Variants in NOLC1 observed in about 807,000 individuals in gnomAD.
NOLC1 encodes nucleolar and coiled-body phosphoprotein 1.
NOLC1 carries 37 observed loss-of-function variants against 73.4 expected under a neutral mutation model. That is an observed-to-expected ratio of 0.50 (90% confidence interval 0.39 to 0.66). The LOEUF is 0.66. NOLC1 is among the 30% of genes least tolerant of loss of function. The probability of loss-of-function intolerance (pLI) is 0.00; values close to 1 mark genes in which losing one functional copy is unlikely to be tolerated. For missense variants in NOLC1, 921 were observed against 838.9 expected (o/e 1.10, Z -1.21); for synonymous variants, 327 against 302.6 (o/e 1.08, Z -0.84).
intron 1 of NOLC1, among the ~76,000 whole-genome samples, chr10:102,156,103 G>A (rs2069590203): frequency 6.6e-6 from 1 of 152,258 alleles, no homozygotes. Flanking sequence ...GCCTCCCAGA[G>A]TGTTGGGATT....
intron 3 of NOLC1, 50 bp downstream of exon 3, chr10:102,157,378 A>T: frequency 6.2e-7 from 1 of 1,613,448 alleles, no homozygotes. Flanking sequence ...AAGAATTTAC[A>T]GCCTGCTTGT....
rs1160024769 is a variant in NOLC1 at position 102,152,467 on chromosome 10, C to T, written c.57C>T (p.Leu19=). The T allele has an allele frequency of 1.2e-6, 2 of 1,613,620 alleles. No homozygotes were observed. The highest frequency in any genetic ancestry group is 1.1e-5 in the South Asian group (1 of 91,082). Residue 19 remains leucine, a synonymous_variant, in exon 1 of 13, where the codon CTC becomes CTT. Coordinates refer to ENST00000605788, the MANE Select transcript of NOLC1 (RefSeq NM_004741.5). ...VVPSDLYPLV[L]GFLRDNQLSE... is the part of the protein sequence containing the mutation. ...CCAGCGACCTGTATCCCCTCGTGCT[C>T]GGCTTCCTGCGCGATAACCAACTCT...
In NOLC1 at chr10:102,160,322, G is replaced by C. The variant is rs747818823; in HGVS notation, c.1078G>C (p.Glu360Gln). 1.9e-6 allele frequency: 3 copies of C among 1,614,240 alleles called. No individual in the cohort carries two copies. Among genetic ancestry groups the C allele is most frequent in the East Asian group, 4.5e-5 (2 of 44,888 alleles). Residue 360 changes from glutamate (E) to glutamine (Q), a missense_variant, in exon 9 of 13, where the codon GAG (glutamate) becomes CAG (glutamine). Transcript: ENST00000605788. ...TKPPPAKKAA[E>Q]SSSDSSDSDS... ...ACCACCTCCAGCAAAGAAAGCAGCA[G>C]AGAGCTCTTCAGACAGCTCAGGTAA...
intron 12 of NOLC1, 88 bp from the exon 13 acceptor site, chr10:102,162,023 G>T (rs1243540866): frequency 1.3e-5 from 21 of 1,603,494 alleles, no homozygotes; most frequent in Non-Finnish European, 1.7e-5. Flanking sequence ...TCTGGGTTCA[G>T]GTTTCCTTGA....
chr10:102,163,150 A>G lies in NOLC1; in HGVS notation c.*881A>G, dbSNP rs1324059489. The stretch of plus-strand genomic sequence containing the variant: ...GAACAAAATGACATGAGTTTGAAAA[A>G]TACATATCACTTGGTATTGCTGTCT... On this transcript the variant is annotated 3_prime_UTR_variant, in exon 13 of 13. Transcript: ENST00000605788. The G allele has an allele frequency of 1.3e-5, 2 of 152,216 alleles. No individual in the cohort carries two copies. Among genetic ancestry groups the G allele is most frequent in the Non-Finnish European group, 1.5e-5 (1 of 68,042 alleles). 9.4% of individuals were successfully genotyped at this position (152,216 alleles called of 1,614,324 possible).
rs770624197 is a variant in NOLC1, at chr10:102,157,257, C to G, written c.245C>G (p.Ala82Gly). ...GTGGCTAAGAAAGCTAAGAAGAAGG[C>G]CTCATCCAGTGACAGTGAGGACAGC... ...GPVAKKAKKK[A>G]SSSDSEDSSE... The change falls in exon 3 of 13, where the codon GCC becomes GGC. Residue 82 changes from alanine (A) to glycine (G), a missense_variant. Physicochemically the swap from Ala to Gly is moderately conservative, Grantham distance 60. Coordinates refer to ENST00000605788, the MANE Select transcript of NOLC1 (RefSeq NM_004741.5). The G allele has an allele frequency of 3.8e-5, 62 of 1,614,056 alleles. No individual in the cohort carries two copies. Among genetic ancestry groups the G allele is most frequent in the Non-Finnish European group, 5.2e-5 (61 of 1,180,036 alleles).
chr10:102,152,404 C>CTGGAGGA lies in NOLC1; in HGVS notation c.-3_4dup, dbSNP rs1169172001. 3 of 1,608,868 alleles carry CTGGAGGA rather than the reference C, an allele frequency of 1.9e-6. No individual in the cohort carries two copies. The highest frequency in any genetic ancestry group is 1.3e-5 in the African/African-American group (1 of 74,958). On this transcript the variant is annotated 5_prime_UTR_variant, in exon 1 of 13. The change creates a new upstream start codon in the 5' untranslated region. Coordinates refer to ENST00000605788, the MANE Select transcript of NOLC1 (RefSeq NM_004741.5). The stretch of plus-strand genomic sequence containing the variant: ...CGACAACGGTAGTGACGCGTATTGC[C>CTGGAGGA]TGGAGGATGGCGGACGCCGGCATTC...
In NOLC1 at chr10:102,155,298, T is replaced by A. The variant is rs2133752853; in HGVS notation, c.121-1721T>A. Among the ~76,000 whole-genome samples the A allele has an allele frequency of 2.0e-5, 3 of 151,788 alleles. No individual in the cohort carries two copies. In the Middle Eastern group the frequency reaches 0.01, roughly 516 times the overall value. The stretch of plus-strand genomic sequence containing the variant: ...CCTCAGCCTCACAAAGTGTTGGGAT[T>A]ACAGGCGTTTAGCCACCACAGGCCA... On this transcript the variant is annotated intron_variant, in intron 1 of 12. Transcript: ENST00000605788.
chr10:102,160,930 T>A lies in NOLC1; in HGVS notation c.1578T>A (p.Ser526Arg), dbSNP rs1301622267. Residue 526 changes from serine (S) to arginine (R), a missense_variant, in exon 10 of 13, where the codon AGT becomes AGA. Coordinates refer to ENST00000605788, the MANE Select transcript of NOLC1 (RefSeq NM_004741.5). ...ACAGTTCTTCTTCTGATGACTCCAG[T>A]GAGGAAGAGGAAGAGAAGCTCAAGG... ...SSNSSSSDDS[S>R]EEEEEKLKGK... The A allele has an allele frequency of 6.2e-7, 1 of 1,613,752 alleles. No individual in the cohort carries two copies. Among genetic ancestry groups the A allele is most frequent in the African/African-American group, 1.3e-5 (1 of 74,754 alleles).
Position 102,153,977 on chromosome 10 carries a change from G to T in NOLC1, c.120+1447G>T, listed in dbSNP as rs556875661. Among the ~76,000 whole-genome samples, 10 of 151,478 alleles carry T rather than the reference G, an allele frequency of 6.6e-5. No homozygotes were observed. In the South Asian group the frequency reaches 2.1e-3, roughly 32 times the overall value. The stretch of plus-strand genomic sequence containing the variant: ...CGCGAGCCACCGTGCCCGGCCTCAG[G>T]ATTAGGATTCTGAAATGGTTTTATG... On this transcript the variant is annotated intron_variant, in intron 1 of 12. Coordinates refer to ENST00000605788, the MANE Select transcript of NOLC1 (RefSeq NM_004741.5).
In NOLC1 at chr10:102,157,292, G is replaced by C. The variant is rs1166092170; in HGVS notation, c.280G>C (p.Glu94Gln). The part of the protein sequence containing the change: ...SSDSEDSSEE[E>Q]EEVQGPPAKK... ...TGACAGTGAGGACAGCAGCGAGGAG[G>C]AGGAGGAAGTTCAAGGGCCTCCAGC... is the stretch of plus-strand genomic sequence containing the variant. The change falls in exon 3 of 13, where the codon GAG becomes CAG. Residue 94 changes from glutamate to glutamine, a missense_variant. Coordinates refer to ENST00000605788, the MANE Select transcript of NOLC1 (RefSeq NM_004741.5). 6.2e-7 allele frequency: 1 copy of C among 1,614,234 alleles called. No homozygotes were observed. The highest frequency in any genetic ancestry group is 1.7e-5 in the Admixed American group (1 of 60,028).
chr10:102,161,517 C>A, intron 10 of NOLC1, 39 bp from the exon 11 acceptor site: 1 of 1,492,032 alleles, frequency 6.7e-7, no homozygotes, highest in Non-Finnish European at 9.3e-7. Flanking sequence ...CAGTTGTGAG[C>A]CACTGTACTC....
chr10:102,158,392 A>G (rs1296297417), intron 5 of NOLC1, among the ~76,000 whole-genome samples, 178 bp downstream of exon 5: 1 of 152,210 alleles, frequency 6.6e-6, no homozygotes, highest in Non-Finnish European at 1.5e-5. Context: ...CATAGGAGCT[A>G]GTAAATAGAG....
Position 102,162,946 on chromosome 10 carries a change from C to T in NOLC1, c.*677C>T, listed in dbSNP as rs1214933365. The T allele has an allele frequency of 6.6e-6, 1 of 152,162 alleles. No homozygotes were observed. The highest frequency in any genetic ancestry group is 2.4e-5 in the African/African-American group (1 of 41,446). 9.4% of individuals were successfully genotyped at this position (152,162 alleles called of 1,614,324 possible). ...CTGGTATGGCGTGAATGCCATGGGT[C>T]ATTCTGAATATATTTTTTTCTGTAA... On this transcript the variant is annotated 3_prime_UTR_variant, in exon 13 of 13. Coordinates refer to ENST00000605788, the MANE Select transcript of NOLC1 (RefSeq NM_004741.5).
intron 1 of NOLC1, 120 bp downstream of exon 1, chr10:102,152,650 C>G: frequency 1.4e-6 from 2 of 1,409,732 alleles, no homozygotes; most frequent in South Asian, 2.6e-5. Flanking sequence ...TCTGCAAGGC[C>G]TTTACGCCGA....
chr10:102,160,029 G>A lies in NOLC1; in HGVS notation c.988+5G>A, dbSNP rs773909729. The A allele has an allele frequency of 6.2e-7, 1 of 1,611,896 alleles. No homozygotes were observed. Among genetic ancestry groups the A allele is most frequent in the African/African-American group, 1.3e-5 (1 of 74,960 alleles). On this transcript the variant is annotated splice_donor_5th_base_variant and intron_variant, in intron 8 of 12. Coordinates refer to ENST00000605788, the MANE Select transcript of NOLC1 (RefSeq NM_004741.5). ...AAGACAGCAGTGATGAGTCTGGTGA[G>A]TCAGAGGGATGCAGCCTCCCCTCAG...
At chr10:102,161,145 G>A (rs2069703254) in intron 10 of NOLC1, 52 bp downstream of exon 10, 1 of 1,530,080 alleles carries the variant, frequency 6.5e-7, no homozygotes. Context: ...AAATCAGGAT[G>A]GGATATACTC....
chr10:102,155,091 C>T (rs2069571539), intron 1 of NOLC1, among the ~76,000 whole-genome samples: 1 of 147,620 alleles, frequency 6.8e-6, no homozygotes, highest in African/African-American at 2.5e-5. Context: ...GGTGCAATCT[C>T]GGCTCACCAC....
chr10:102,154,140 C>T (rs1471922704), intron 1 of NOLC1, among the ~76,000 whole-genome samples: 3 of 148,936 alleles, frequency 2.0e-5, no homozygotes, highest in Non-Finnish European at 4.4e-5. Context: ...GGCACGATCT[C>T]AGCTCACTGC....
Sources: allele counts gnomAD v4.1 joint callset (sites outside exome capture counted in the v4.1 genomes callset), GRCh38; gene constraint gnomAD v4.1.1; transcripts MANE v1.5; gene names NCBI Gene and HGNC (gene_info 2026-07-23, HGNC 2026-07-21).